SUPT3H: variants seen among roughly 807,000 people sequenced by gnomAD.
SUPT3H encodes transcription initiation protein SPT3 homolog.
In SUPT3H, 44 loss-of-function variants were observed where a neutral mutation model predicts 44.3. The observed-to-expected ratio is 0.99, with a 90% CI of 0.78 to 1.28. The LOEUF (loss-of-function observed/expected upper bound fraction) is 1.28. Ranked by LOEUF, SUPT3H falls within the 50% of genes most tolerant of loss-of-function variation. SUPT3H has a pLI of 0.00. For synonymous variants in SUPT3H, 124 were observed against 125.6 expected (o/e 0.99, Z 0.09); for missense variants, 380 against 387.1 (o/e 0.98, Z 0.15).
rs55944527 is a variant in SUPT3H, at chr6:45,257,734, C to T, written c.101+107467G>A. Among the ~76,000 whole-genome samples the T allele has an allele frequency of 3.9e-3, 591 of 152,222 alleles. 7 individuals carry two copies. The highest frequency in any genetic ancestry group is 0.014 in the African/African-American group (564 of 41,526). ...GAGAACAAGAGGGAGCCAAACTCAC[C>T]CTTTTATAATGTCACAGTCCTACCC... On this transcript the variant is annotated intron_variant, in intron 2 of 10. Transcript: ENST00000371459.
intron 2 of SUPT3H, among the ~76,000 whole-genome samples, chr6:45,132,805 C>T (rs1229009338): frequency 2.0e-5 from 3 of 152,110 alleles, no homozygotes; most frequent in South Asian, 4.1e-4. Flanking sequence ...AGAAATAGAA[C>T]ACTAACAATA....
intron 2 of SUPT3H, among the ~76,000 whole-genome samples, chr6:45,220,178 C>T (rs554080295): frequency 3.3e-5 from 5 of 150,936 alleles, no homozygotes; most frequent in Non-Finnish European, 7.4e-5. Flanking sequence ...TTATTGCAGA[C>T]CATCTTCTCT....
intron 5 of SUPT3H, among the ~76,000 whole-genome samples, chr6:45,005,626 G>A (rs1042211779): frequency 1.3e-5 from 2 of 151,110 alleles, no homozygotes; most frequent in African/African-American, 4.9e-5. Context: ...GCTTGAACCC[G>A]GGATACAGAG....
At chr6:44,818,356 TAAATATC>T (rs561388260) in intron 11 of SUPT3H, among the ~76,000 whole-genome samples, 45 of 152,152 alleles carry the variant, frequency 3.0e-4, no homozygotes, top group Admixed American at 2.6e-3. Flanking sequence ...ATTCAAAACT[TAAATATC>T]TAAAAGAAAA....
chr6:45,241,499 C>A (rs955225838), intron 2 of SUPT3H, among the ~76,000 whole-genome samples: 6 of 152,178 alleles, frequency 3.9e-5, no homozygotes, highest in Non-Finnish European at 8.8e-5. Context: ...GTAAGGAATA[C>A]TTTTAATCTA....
At chr6:45,174,181 A>G (rs1811292480) in intron 2 of SUPT3H, among the ~76,000 whole-genome samples, 1 of 152,246 alleles carries the variant, frequency 6.6e-6, no homozygotes, top group Non-Finnish European at 1.5e-5. Context: ...AGTACTGAAC[A>G]GTGGTTACAG....
At chr6:45,150,327 T>C (rs2153595526) in intron 2 of SUPT3H, among the ~76,000 whole-genome samples, 1 of 152,206 alleles carries the variant, frequency 6.6e-6, no homozygotes, top group East Asian at 1.9e-4. Context: ...TTTTGTCAAG[T>C]CTTAACTGAC....
intron 10 of SUPT3H, among the ~76,000 whole-genome samples, chr6:44,932,436 T>C (rs568633287): frequency 7.2e-5 from 11 of 152,276 alleles, no homozygotes; most frequent in African/African-American, 2.6e-4. Context: ...TAATTTGTAA[T>C]TGAAAGAAAA....
At chr6:44,979,102 T>C (rs1294336472) in intron 6 of SUPT3H, among the ~76,000 whole-genome samples, 2 of 152,202 alleles carry the variant, frequency 1.3e-5, no homozygotes, top group Non-Finnish European at 2.9e-5. Flanking sequence ...GTATCCCATA[T>C]AGTTAAATGA....
At chr6:45,179,145 C>T (rs1353114401) in intron 2 of SUPT3H, among the ~76,000 whole-genome samples, 1 of 152,156 alleles carries the variant, frequency 6.6e-6, no homozygotes, top group Non-Finnish European at 1.5e-5. Flanking sequence ...TGGATAAATT[C>T]CTCGACACGT....
intron 5 of SUPT3H, among the ~76,000 whole-genome samples, chr6:45,010,410 C>G (rs1783312405): frequency 6.6e-6 from 1 of 152,020 alleles, no homozygotes; most frequent in South Asian, 2.1e-4. Flanking sequence ...TGTCTTGTTC[C>G]CGATCTTATA....
intron 4 of SUPT3H, among the ~76,000 whole-genome samples, chr6:45,018,632 T>G (rs571668470): frequency 1.1e-4 from 17 of 152,084 alleles, no homozygotes; most frequent in South Asian, 4.1e-4. Flanking sequence ...TGGCTCTGTT[T>G]ATATGCTGGA....
chr6:45,317,972 A>G (rs1367235595), intron 2 of SUPT3H, among the ~76,000 whole-genome samples: 1 of 152,150 alleles, frequency 6.6e-6, no homozygotes, highest in Non-Finnish European at 1.5e-5. Context: ...AAAATACATA[A>G]GGAATGCAAA....
intron 2 of SUPT3H, among the ~76,000 whole-genome samples, chr6:45,338,832 T>C: frequency 6.6e-6 from 1 of 152,076 alleles, no homozygotes; most frequent in Non-Finnish European, 1.5e-5. Flanking sequence ...GCACAAAATT[T>C]AAGGAGGTAC....
intron 11 of SUPT3H, among the ~76,000 whole-genome samples, chr6:44,814,347 C>A (rs559107404): frequency 6.6e-6 from 1 of 152,266 alleles, no homozygotes; most frequent in African/African-American, 2.4e-5. Flanking sequence ...AAAGGCCAGG[C>A]AGTGATCCAA....
chr6:45,062,648 G>C (rs1416142514), intron 3 of SUPT3H, among the ~76,000 whole-genome samples: 3 of 152,212 alleles, frequency 2.0e-5, no homozygotes, highest in Non-Finnish European at 4.4e-5. Context: ...GCCTCACCTG[G>C]GAAGCGCGAG....
chr6:45,320,968 A>G (rs1785398129), intron 2 of SUPT3H, among the ~76,000 whole-genome samples: 1 of 152,132 alleles, frequency 6.6e-6, no homozygotes, highest in Non-Finnish European at 1.5e-5. Flanking sequence ...GCTTTTATAT[A>G]TATATTCCAG....
chr6:44,886,911 G>A (rs568059922), intron 10 of SUPT3H, among the ~76,000 whole-genome samples: 26 of 152,242 alleles, frequency 1.7e-4, no homozygotes, highest in Middle Eastern at 3.4e-3. Flanking sequence ...CAAAATAAAA[G>A]GATGGAGGAA....
At chr6:45,102,204 C>CAT (rs1474458204) in intron 3 of SUPT3H, among the ~76,000 whole-genome samples, 3 of 152,082 alleles carry the variant, frequency 2.0e-5, no homozygotes, top group African/African-American at 7.2e-5. Context: ...CAGTATTCTA[C>CAT]AGTAAGGGAA....
Sources: allele counts gnomAD v4.1 joint callset (sites outside exome capture counted in the v4.1 genomes callset), GRCh38; gene constraint gnomAD v4.1.1; transcripts MANE v1.5; gene names NCBI Gene and HGNC (gene_info 2026-07-23, HGNC 2026-07-21).